Variants in CSMD1 observed in about 807,000 individuals in gnomAD.
The protein encoded by CSMD1 is CUB and sushi domain-containing protein 1.
CSMD1 carries 213 observed loss-of-function variants against 417.5 expected under a neutral mutation model. The ratio of observed to expected loss-of-function variants is 0.51; its 90% confidence interval spans 0.46 to 0.57. CSMD1 has a LOEUF of 0.57. Among genes scored for constraint, CSMD1 ranks in the 20% least tolerant of loss-of-function variants. The pLI, the probability that CSMD1 is intolerant of heterozygous loss-of-function variation, is 0.00. For missense variants in CSMD1, 6,923 were observed against 4,529.7 expected, an observed-to-expected ratio of 1.53 and a Z score of -15.17; for synonymous variants, 2,862 against 1,736.8, an observed-to-expected ratio of 1.65 and a Z score of -16.11.
Position 4,335,420 on chromosome 8 carries a change from C to G in CSMD1, c.415+84533G>C, listed in dbSNP as rs73506645. On this transcript the variant is annotated intron_variant, in intron 3 of 69. Transcript: ENST00000635120. ...AACATTGCACCATCTCTTTCTGAAACACACCAGAAACTCGTTACTAGAATC... is the reference window on the plus strand; with the variant it reads ...AACATTGCACCATCTCTTTCTGAAAGACACCAGAAACTCGTTACTAGAATC... Among the ~76,000 whole-genome samples, 888 of 152,218 alleles carry G rather than the reference C, an allele frequency of 5.8e-3. 9 individuals are homozygous for G. Among genetic ancestry groups the G allele is most frequent in the African/African-American group, 0.02 (846 of 41,532 alleles).
chr8:4,910,474 G>T (rs920234671), intron 1 of CSMD1, among the ~76,000 whole-genome samples: 4 of 152,170 alleles, frequency 2.6e-5, no homozygotes, highest in African/African-American at 9.7e-5. Context: ...CTGATGCAGG[G>T]TCTTGCCTGG....
chr8:3,545,104 C>A (rs1298552362), intron 10 of CSMD1, among the ~76,000 whole-genome samples: 2 of 152,076 alleles, frequency 1.3e-5, no homozygotes, highest in Admixed American at 6.5e-5. Flanking sequence ...AAACCTAGGA[C>A]AGGTATCAAA....
chr8:4,575,791 C>A (rs1472552600), intron 2 of CSMD1, among the ~76,000 whole-genome samples: 1 of 152,196 alleles, frequency 6.6e-6, no homozygotes, highest in Non-Finnish European at 1.5e-5. Context: ...CTGGTCTCAT[C>A]TCCGGCAATA....
At chr8:4,789,909 C>G (rs894485960) in intron 1 of CSMD1, among the ~76,000 whole-genome samples, 1 of 152,124 alleles carries the variant, frequency 6.6e-6, no homozygotes, top group African/African-American at 2.4e-5. Context: ...TTAGTAGTAG[C>G]CATCAGATCT....
intron 8 of CSMD1, among the ~76,000 whole-genome samples, chr8:3,613,614 C>G (rs1801994427): frequency 6.6e-6 from 1 of 151,160 alleles, no homozygotes. Context: ...TAGTTAAGCC[C>G]TCATATTCAC....
intron 2 of CSMD1, among the ~76,000 whole-genome samples, chr8:4,564,811 G>T (rs1302354840): frequency 2.0e-5 from 3 of 152,162 alleles, no homozygotes; most frequent in African/African-American, 7.2e-5. Context: ...AAAATATTTA[G>T]CTTTTTCACT....
chr8:4,691,166 C>G (rs941170045), intron 1 of CSMD1, among the ~76,000 whole-genome samples: 1 of 152,188 alleles, frequency 6.6e-6, no homozygotes, highest in African/African-American at 2.4e-5. Context: ...GTGAAGGAAT[C>G]AAAGAATGTT....
At chr8:4,915,477 C>T (rs1378655154) in intron 1 of CSMD1, among the ~76,000 whole-genome samples, 1 of 152,150 alleles carries the variant, frequency 6.6e-6, no homozygotes, top group Non-Finnish European at 1.5e-5. Flanking sequence ...TTCCTCAGAA[C>T]CAACATATAT....
At chr8:4,092,700 G>C (rs1342741409) in intron 3 of CSMD1, among the ~76,000 whole-genome samples, 2 of 151,986 alleles carry the variant, frequency 1.3e-5, no homozygotes, top group African/African-American at 4.8e-5. Context: ...TTTCCTTAAT[G>C]TGATTTTTGA....
chr8:3,553,098 G>C lies in CSMD1; in HGVS notation c.1344+21847C>G, dbSNP rs939451093. On this transcript the variant is annotated intron_variant, in intron 10 of 69. Coordinates refer to ENST00000635120, the MANE Select transcript of CSMD1 (RefSeq NM_033225.6). ...ATTCTTAAAACCAATCAACCAACCA[G>C]CTAAAAAATAAATTGTGGACAAGGA... is the stretch of plus-strand genomic sequence containing the variant. Among the ~76,000 whole-genome samples, 10 of 146,434 alleles carry C rather than the reference G, an allele frequency of 6.8e-5. No individual in the cohort carries two copies. The Admixed American group carries it at 7.0e-4, about 10-fold the overall frequency.
At position 2,998,014 on chromosome 8, in the gene CSMD1, G is replaced by A; in HGVS notation, c.8374C>T (p.Arg2792Ter). Residue 2792 changes from arginine (R) to a stop codon, truncating the protein, a stop_gained, in exon 54 of 70, where the codon CGA becomes TGA. Transcript: ENST00000635120. LOFTEE classifies it high-confidence loss of function. ...CATTCCTGGATGCTGTTCCTACCTC[G>A]ACACGTGGGCAGAGGGCTACTCCAC... ...GQWSSPLPTC[R>*]VVNCSDPGFV... The A allele has an allele frequency of 6.2e-7, 1 of 1,613,162 alleles. No homozygotes were observed. The highest frequency in any genetic ancestry group is 8.5e-7 in the Non-Finnish European group (1 of 1,179,484).
rs904612921 is a variant in CSMD1, at chr8:4,973,058, A to G, written c.85+21274T>C. On this transcript the variant is annotated intron_variant, in intron 1 of 69. Transcript: ENST00000635120. Reference sequence around the variant, plus strand: ...TGTAGTAAAGAAGGTAAAATAATGCATAGAACCTCAATTATAAGAGTGCTT... The same window carrying G: ...TGTAGTAAAGAAGGTAAAATAATGCGTAGAACCTCAATTATAAGAGTGCTT... Among the ~76,000 whole-genome samples, 16 of 152,326 alleles carry G rather than the reference A, an allele frequency of 1.1e-4. No individual in the cohort carries two copies. In the South Asian group the frequency reaches 1.2e-3, roughly 12 times the overall value.
chr8:3,933,898 G>A (rs1281230582), intron 5 of CSMD1, among the ~76,000 whole-genome samples: 2 of 151,668 alleles, frequency 1.3e-5, no homozygotes, highest in Non-Finnish European at 2.9e-5. Flanking sequence ...CTTTCTCTAG[G>A]CCACCTAGTA....
intron 2 of CSMD1, among the ~76,000 whole-genome samples, chr8:4,427,170 G>A (rs4875102): frequency 0.69 from 104,946 of 151,890 alleles, 36,526 homozygotes; most frequent in Middle Eastern, 0.76. Context: ...TACACAATGG[G>A]TAAGTCCAGA....
chr8:4,911,252 T>C (rs1429996602), intron 1 of CSMD1, among the ~76,000 whole-genome samples: 1 of 152,248 alleles, frequency 6.6e-6, no homozygotes, highest in Admixed American at 6.5e-5. Flanking sequence ...AAATGACCTT[T>C]GTCCACCAGT....
At chr8:4,679,738 G>C (rs7004127) in intron 1 of CSMD1, among the ~76,000 whole-genome samples, 7 of 152,058 alleles carry the variant, frequency 4.6e-5, no homozygotes, top group Non-Finnish European at 1.5e-5. Context: ...ATTAGTTTCT[G>C]TAACTACTTA....
At chr8:3,634,076 G>C (rs540928406) in intron 7 of CSMD1, among the ~76,000 whole-genome samples, 23 of 152,230 alleles carry the variant, frequency 1.5e-4, no homozygotes, top group African/African-American at 4.6e-4. Flanking sequence ...AGGGGGTGGT[G>C]GGGGGAGGGG....
intron 1 of CSMD1, among the ~76,000 whole-genome samples, chr8:4,784,029 G>C (rs1017101165): frequency 6.6e-6 from 1 of 152,168 alleles, no homozygotes; most frequent in Non-Finnish European, 1.5e-5. Context: ...GATAAAAAAA[G>C]TGTATTTGAT....
At chr8:3,314,307 A>T (rs1318274742) in intron 23 of CSMD1, among the ~76,000 whole-genome samples, 1 of 152,228 alleles carries the variant, frequency 6.6e-6, no homozygotes, top group Non-Finnish European at 1.5e-5. Flanking sequence ...CTACAAAGAT[A>T]TTCTTCCAAA....
Sources: gnomAD v4.1 joint callset for allele counts (sites outside exome capture counted in the v4.1 genomes callset) on GRCh38, gnomAD v4.1.1 for gene constraint, MANE v1.5 for transcripts, NCBI Gene and HGNC (gene_info 2026-07-23, HGNC 2026-07-21) for gene names.